FSTL5: variants seen among roughly 807,000 people sequenced by gnomAD.
The protein encoded by FSTL5 is follistatin like 5, also known as follistatin-related protein 5.
A neutral mutation model predicts 89.1 loss-of-function variants in FSTL5; 62 were observed. The observed-to-expected ratio is 0.70, with a 90% CI of 0.57 to 0.86. The LOEUF (loss-of-function observed/expected upper bound fraction) is 0.86. Among genes scored for constraint, FSTL5 ranks in the 40% least tolerant of loss-of-function variants. FSTL5 has a pLI of 0.00. For missense variants in FSTL5, 1,057 were observed against 1,001.6 expected (o/e 1.06, Z -0.75); for synonymous variants, 383 against 346.2 (o/e 1.11, Z -1.18).
At chr4:161,448,998 G>T (rs1560900272) in intron 15 of FSTL5, among the ~76,000 whole-genome samples, 1 of 152,130 alleles carries the variant, frequency 6.6e-6, no homozygotes, top group African/African-American at 2.4e-5. Context: ...TTGAACACTA[G>T]TTGTTTGTTT....
At chr4:162,117,962 C>A (rs1278550949) in intron 1 of FSTL5, among the ~76,000 whole-genome samples, 1 of 152,032 alleles carries the variant, frequency 6.6e-6, no homozygotes, top group Admixed American at 6.6e-5. Context: ...ACAAGTGAGT[C>A]GAAAAATTAA....
At chr4:162,130,596 C>A (rs1732260589) in intron 1 of FSTL5, among the ~76,000 whole-genome samples, 2 of 152,086 alleles carry the variant, frequency 1.3e-5, no homozygotes, top group South Asian at 2.1e-4. Flanking sequence ...GTAGAAAAAT[C>A]TTTTCCAGAT....
At chr4:161,985,699 AC>A (rs1735945662) in intron 3 of FSTL5, among the ~76,000 whole-genome samples, 1 of 151,776 alleles carries the variant, frequency 6.6e-6, no homozygotes, top group Non-Finnish European at 1.5e-5. Context: ...GTGAACACAT[AC>A]TACTACTTAG....
intron 7 of FSTL5, among the ~76,000 whole-genome samples, chr4:161,620,819 T>A (rs564048504): frequency 6.6e-6 from 1 of 152,186 alleles, no homozygotes; most frequent in Admixed American, 6.5e-5. Flanking sequence ...ATGATGAATA[T>A]AACAGAAAGA....
intron 2 of FSTL5, among the ~76,000 whole-genome samples, chr4:162,103,762 G>C (rs1347435333): frequency 6.6e-6 from 1 of 152,210 alleles, no homozygotes; most frequent in Non-Finnish European, 1.5e-5. Context: ...GCATAGCTGG[G>C]AAGGTGACAG....
At chr4:161,624,789 T>G (rs1735257641) in intron 7 of FSTL5, among the ~76,000 whole-genome samples, 1 of 152,120 alleles carries the variant, frequency 6.6e-6, no homozygotes, top group Admixed American at 6.6e-5. Context: ...ATTTTTGCAT[T>G]TTAGTGCACA....
intron 3 of FSTL5, among the ~76,000 whole-genome samples, chr4:161,984,839 G>GT (rs770960262): frequency 4.6e-5 from 7 of 152,038 alleles, no homozygotes; most frequent in Non-Finnish European, 7.4e-5. Context: ...GATCAGAATA[G>GT]TTTTTTAAAA....
chr4:161,583,062 C>A (rs911159779), intron 8 of FSTL5, among the ~76,000 whole-genome samples: 4 of 151,918 alleles, frequency 2.6e-5, no homozygotes, highest in Non-Finnish European at 5.9e-5. Flanking sequence ...AGTAGCCAGG[C>A]GTGGTGGCGG....
rs576864704 is a variant in FSTL5, at chr4:161,996,988, A to G, written c.160+36637T>C. On this transcript the variant is annotated intron_variant, in intron 3 of 15. Transcript: ENST00000306100. ...TTTGAAGTGTGAAATCACCACTCCA[A>G]TGAAATTTATGTGAATATAGTCAAA... Among the ~76,000 whole-genome samples, 8 of 152,354 alleles carry G rather than the reference A, an allele frequency of 5.3e-5. No homozygotes were observed. In the East Asian group the frequency reaches 9.6e-4, roughly 18 times the overall value.
intron 1 of FSTL5, among the ~76,000 whole-genome samples, 172 bp downstream of exon 1, chr4:162,163,437 GTAATAA>G (rs34283366): frequency 0.035 from 4,867 of 140,650 alleles, 129 homozygotes; most frequent in Non-Finnish European, 0.05. Context: ...AGATTGTCTT[GTAATAA>G]TAATAATAAT....
chr4:161,445,712 A>C (rs1005884762), intron 15 of FSTL5, among the ~76,000 whole-genome samples: 5 of 152,114 alleles, frequency 3.3e-5, no homozygotes, highest in South Asian at 2.1e-4. Context: ...TAGATATAAT[A>C]CAGTTTCTCC....
chr4:162,140,109 T>C (rs1279271909), intron 1 of FSTL5, among the ~76,000 whole-genome samples: 1 of 152,096 alleles, frequency 6.6e-6, no homozygotes, highest in Non-Finnish European at 1.5e-5. Flanking sequence ...GTTGGCATTT[T>C]TTTTCAAAAA....
At chr4:161,874,563 T>C (rs1732376940) in intron 4 of FSTL5, among the ~76,000 whole-genome samples, 1 of 104,524 alleles carries the variant, frequency 9.6e-6, no homozygotes, top group Non-Finnish European at 2.0e-5. Context: ...GAATATATTT[T>C]AGATTTTTTT....
At chr4:161,946,995 T>C (rs1449702385) in intron 3 of FSTL5, among the ~76,000 whole-genome samples, 1 of 152,200 alleles carries the variant, frequency 6.6e-6, no homozygotes, top group African/African-American at 2.4e-5. Flanking sequence ...ACCTTTAATG[T>C]AATGATTGAC....
Position 161,587,477 on chromosome 4 carries a change from C to G in FSTL5, c.993G>C (p.Gln331His). Residue 331 changes from glutamine to histidine, a missense_variant, in exon 8 of 16, where the codon CAG becomes CAC. Gln to His is a conservative substitution (Grantham distance 24). Transcript: ENST00000306100. ...CYADGYEQVYQTHIFQVNVPP... is the reference protein window; with the variant it reads ...CYADGYEQVYHTHIFQVNVPP... ...TACCATTCACTTGGAAGATGTGAGT[C>G]TGATAGACTTGTTCATAGCCATCTG... 6.2e-7 allele frequency: 1 copy of G among 1,613,274 alleles called. No homozygotes were observed. Among genetic ancestry groups the G allele is most frequent in the Non-Finnish European group, 8.5e-7 (1 of 1,179,524 alleles).
intron 15 of FSTL5, among the ~76,000 whole-genome samples, chr4:161,427,716 G>A (rs1445928083): frequency 6.6e-6 from 1 of 152,020 alleles, no homozygotes; most frequent in Non-Finnish European, 1.5e-5. Context: ...ATATATAAAT[G>A]ATACGTAAAG....
chr4:161,763,501 A>G (rs1474681481), intron 5 of FSTL5, among the ~76,000 whole-genome samples: 2 of 152,132 alleles, frequency 1.3e-5, no homozygotes, highest in Non-Finnish European at 2.9e-5. Context: ...GATTTTGATA[A>G]TGTGAAGGCA....
intron 2 of FSTL5, among the ~76,000 whole-genome samples, chr4:162,074,869 C>T (rs531115705): frequency 1.4e-4 from 21 of 151,888 alleles, no homozygotes; most frequent in Admixed American, 9.9e-4. Context: ...ATACCTTAGC[C>T]TAGCCCACCT....
Position 161,476,171 on chromosome 4 carries a change from T to TG in FSTL5, c.1608+4848dup, listed in dbSNP as rs1219794318. The stretch of plus-strand genomic sequence containing the variant: ...GATTCTTCTCCTTCTTCAAGTTTGC[T>TG]GGTTTTTTTTTTTTTTTGTTTGTTT... On this transcript the variant is annotated intron_variant, in intron 13 of 15. Transcript: ENST00000306100. Among the ~76,000 whole-genome samples, 20 of 99,142 alleles carry TG rather than the reference T, an allele frequency of 2.0e-4. No individual in the cohort carries two copies. In the East Asian group the frequency reaches 2.8e-3, roughly 14 times the overall value. The allele number at this position is 99,142 out of a possible 152,430, so 65.0% of individuals were successfully genotyped here.
Sources: allele counts gnomAD v4.1 joint callset (sites outside exome capture counted in the v4.1 genomes callset), GRCh38; gene constraint gnomAD v4.1.1; transcripts MANE v1.5; gene names NCBI Gene and HGNC (gene_info 2026-07-23, HGNC 2026-07-21).